The following TRIM44 variants were observed in gnomAD, a reference collection of about 807,000 sequenced individuals.
TRIM44 encodes the protein tripartite motif-containing protein 44.
Under a neutral mutation model 37.4 loss-of-function variants are expected in TRIM44, and 13 were observed. The ratio of observed to expected loss-of-function variants is 0.35; its 90% CI spans 0.23 to 0.55. The LOEUF (loss-of-function observed/expected upper bound fraction) is 0.55. Ranked by LOEUF, TRIM44 falls within the 20% of genes least tolerant of loss-of-function variation. TRIM44 has a pLI of 0.89. For missense variants in TRIM44, 426 were observed against 437.2 expected (o/e 0.97, Z 0.23); for synonymous variants, 175 against 157.2 (o/e 1.11, Z -0.85).
chr11:35,752,217 A>G (rs911871445), intron 4 of TRIM44, among the ~76,000 whole-genome samples: 7 of 151,688 alleles, frequency 4.6e-5, no homozygotes, highest in Non-Finnish European at 1.0e-4. Flanking sequence ...CTAAGTATAT[A>G]TCAAATATAG....
chr11:35,783,274 C>T (rs565410394), intron 4 of TRIM44, among the ~76,000 whole-genome samples: 8 of 152,312 alleles, frequency 5.3e-5, no homozygotes, highest in African/African-American at 1.7e-4. Context: ...GCCTGATGCT[C>T]TTCTTGCCTC....
chr11:35,748,241 G>A (rs1388504738), intron 4 of TRIM44, among the ~76,000 whole-genome samples: 1 of 152,130 alleles, frequency 6.6e-6, no homozygotes, highest in East Asian at 1.9e-4. Flanking sequence ...TAATAAAATA[G>A]GACCCATAAA....
intron 4 of TRIM44, among the ~76,000 whole-genome samples, chr11:35,801,893 T>A (rs1441510184): frequency 6.6e-6 from 1 of 152,222 alleles, no homozygotes; most frequent in Non-Finnish European, 1.5e-5. Flanking sequence ...TAAAAGAAAT[T>A]TTAAAAGTAT....
chr11:35,704,103 C>T lies in TRIM44; in HGVS notation c.747+18767C>T, dbSNP rs552051131. ...GCTGAAAGCCAAGGCTCGAGAACTA[C>T]GTGAAGAATGCAGAAGCCTCAGGAG... On this transcript the variant is annotated intron_variant, in intron 2 of 4. Coordinates refer to ENST00000299413, the MANE Select transcript of TRIM44 (RefSeq NM_017583.6). 4.3e-4 allele frequency among the ~76,000 whole-genome samples: 66 copies of T among 151,812 alleles called. 1 individual carries two copies. The South Asian group carries it at 9.8e-3, about 22-fold the overall frequency.
chr11:35,753,905 T>C (rs1373694421), intron 4 of TRIM44, among the ~76,000 whole-genome samples: 2 of 152,018 alleles, frequency 1.3e-5, no homozygotes, highest in African/African-American at 4.8e-5. Context: ...ATTTTTGTAT[T>C]TTTAATAGAG....
chr11:35,718,114 G>C (rs187398913), intron 2 of TRIM44, among the ~76,000 whole-genome samples: 1 of 152,202 alleles, frequency 6.6e-6, no homozygotes, highest in Admixed American at 6.5e-5. Context: ...TATTTTCATG[G>C]GCTTAAATCG....
rs575755026 is a variant in TRIM44 at position 35,815,757 on chromosome 11, A to G, written c.*9372A>G. Reference sequence around the variant, plus strand: ...AGGTCACCGGGGCATCTGCCATTGCATATGTTTAAGTGGTATAAAGAAGCC... The same window carrying G: ...AGGTCACCGGGGCATCTGCCATTGCGTATGTTTAAGTGGTATAAAGAAGCC... On this transcript the variant is annotated 3_prime_UTR_variant, in exon 5 of 5. Transcript: ENST00000299413. 1 of 152,258 alleles carries G rather than the reference A, an allele frequency of 6.6e-6. No individual in the cohort carries two copies. The highest frequency in any genetic ancestry group is 2.1e-4 in the South Asian group (1 of 4,824). The allele number at this position is 152,258 out of a possible 1,614,324, so 9.4% of individuals were successfully genotyped here. A position where few individuals can be genotyped will look rare whatever the true frequency, so the allele number is the denominator to read the frequency against.
Position 35,764,142 on chromosome 11 carries a change from A to G in TRIM44, c.1007+28697A>G, listed in dbSNP as rs11826695. Among the ~76,000 whole-genome samples, 282 of 152,110 alleles carry G rather than the reference A, an allele frequency of 1.9e-3. 2 individuals are homozygous for G. The highest frequency in any genetic ancestry group is 6.5e-3 in the African/African-American group (270 of 41,482). ...GCTCCTTCTCATGGGAAGAGGAGCA[A>G]CTTGTCTCATTGGTTAGAGTCTGGC... is the stretch of plus-strand genomic sequence containing the variant. On this transcript the variant is annotated intron_variant, in intron 4 of 4. Coordinates refer to ENST00000299413, the MANE Select transcript of TRIM44 (RefSeq NM_017583.6).
At chr11:35,756,753 A>T (rs940564079) in intron 4 of TRIM44, among the ~76,000 whole-genome samples, 3 of 152,154 alleles carry the variant, frequency 2.0e-5, no homozygotes, top group Non-Finnish European at 2.9e-5. Context: ...TTCTGCATCT[A>T]TTGAGATAAT....
intron 4 of TRIM44, among the ~76,000 whole-genome samples, chr11:35,778,626 G>A (rs755670504): frequency 5.9e-5 from 9 of 152,144 alleles, no homozygotes; most frequent in Non-Finnish European, 1.2e-4. Context: ...TGATGGTGAC[G>A]TACAGATGGG....
At chr11:35,782,103 G>T (rs1392855758) in intron 4 of TRIM44, among the ~76,000 whole-genome samples, 1 of 152,168 alleles carries the variant, frequency 6.6e-6, no homozygotes, top group African/African-American at 2.4e-5. Context: ...CATCTAATGT[G>T]GCAAAGAGAC....
intron 2 of TRIM44, among the ~76,000 whole-genome samples, chr11:35,706,329 A>C (rs1489179469): frequency 1.3e-5 from 2 of 152,104 alleles, no homozygotes; most frequent in Non-Finnish European, 2.9e-5. Context: ...ATTCTACCAG[A>C]GGTACAAGGA....
In TRIM44 at chr11:35,816,003, C is replaced by G. The variant is rs1465848635; in HGVS notation, c.*9618C>G. On this transcript the variant is annotated 3_prime_UTR_variant, in exon 5 of 5. Transcript: ENST00000299413. ...TCTATCTTCAGACCTGGCCCATTGT[C>G]AAATGGCAGACTTGCAGAGCAAATA... 2 of 152,212 alleles carry G rather than the reference C, an allele frequency of 1.3e-5. No homozygotes were observed. Among genetic ancestry groups the G allele is most frequent in the Non-Finnish European group, 2.9e-5 (2 of 68,040 alleles). 9.4% of individuals were successfully genotyped at this position (152,212 alleles called of 1,614,324 possible).
chr11:35,720,870 C>T (rs1320210557), intron 2 of TRIM44, among the ~76,000 whole-genome samples: 1 of 149,896 alleles, frequency 6.7e-6, no homozygotes, highest in African/African-American at 2.4e-5. Context: ...GTCTTGCATA[C>T]TTGGTATATA....
chr11:35,733,499 A>G lies in TRIM44; in HGVS notation c.988-1927A>G, dbSNP rs987558575. 3.9e-5 allele frequency among the ~76,000 whole-genome samples: 6 copies of G among 152,290 alleles called. No individual in the cohort carries two copies. The East Asian group carries it at 1.2e-3, about 29-fold the overall frequency. ...TGGTATATTATAGATCCCATGAGAC[A>G]TATCAGATGATAAAAATGCGAAGAA... is the stretch of plus-strand genomic sequence containing the variant. On this transcript the variant is annotated intron_variant, in intron 3 of 4. Transcript: ENST00000299413.
chr11:35,744,683 G>A (rs529083507), intron 4 of TRIM44, among the ~76,000 whole-genome samples: 1 of 152,172 alleles, frequency 6.6e-6, no homozygotes, highest in South Asian at 2.1e-4. Context: ...ATTAAGCCCA[G>A]CATCCATTAG....
At chr11:35,730,870 G>C (rs1371185706) in intron 3 of TRIM44, among the ~76,000 whole-genome samples, 1 of 40,048 alleles carries the variant, frequency 2.5e-5, no homozygotes, top group Non-Finnish European at 5.0e-5. Context: ...TTTTTTTTTT[G>C]AGACGGAGGT....
At chr11:35,665,583 TC>T (rs1555060202) in intron 1 of TRIM44, among the ~76,000 whole-genome samples, 2 of 116,876 alleles carry the variant, frequency 1.7e-5, no homozygotes, top group African/African-American at 2.8e-5. Context: ...TTTTTATATA[TC>T]TGTTTTTTTT....
intron 2 of TRIM44, among the ~76,000 whole-genome samples, chr11:35,698,244 A>G (rs1160863421): frequency 6.9e-6 from 1 of 145,240 alleles, no homozygotes; most frequent in African/African-American, 2.6e-5. Context: ...CACAATAAAC[A>G]TACATGTGCA....
Sources: gnomAD v4.1 joint callset for allele counts (sites outside exome capture counted in the v4.1 genomes callset) on GRCh38, gnomAD v4.1.1 for gene constraint, MANE v1.5 for transcripts, NCBI Gene and HGNC (gene_info 2026-07-23, HGNC 2026-07-21) for gene names.